EZR: variants seen among roughly 807,000 people sequenced by gnomAD.
The protein encoded by EZR is cytovillin 2.
A neutral mutation model predicts 74.8 loss-of-function variants in EZR; 40 were observed. The ratio of observed to expected loss-of-function variants is 0.53; its 90% CI spans 0.42 to 0.70. The LOEUF (loss-of-function observed/expected upper bound fraction) is 0.70, where lower values mean the gene tolerates loss of function less well. Among genes scored for constraint, EZR ranks in the 30% least tolerant of loss-of-function variants. The pLI is 0.00. For synonymous variants in EZR, 341 were observed against 283.3 expected, an observed-to-expected ratio of 1.20 and a Z score of -2.05; for missense variants, 678 against 755.8, an observed-to-expected ratio of 0.90 and a Z score of 1.21.
chr6:158,791,820 T>TG (rs1159378952), intron 2 of EZR, among the ~76,000 whole-genome samples: 5 of 147,358 alleles, frequency 3.4e-5, no homozygotes, highest in Non-Finnish European at 7.5e-5. Context: ...GCCATTCTCC[T>TG]GCCTTAGCCT....
intron 3 of EZR, among the ~76,000 whole-genome samples, chr6:158,787,562 C>A (rs925107886): frequency 2.0e-5 from 3 of 152,178 alleles, no homozygotes; most frequent in Non-Finnish European, 4.4e-5. Context: ...CCCACAGCCC[C>A]CCAGGGAACA....
At chr6:158,806,557 A>G (rs566251400) in intron 2 of EZR, among the ~76,000 whole-genome samples, 3 of 150,336 alleles carry the variant, frequency 2.0e-5, no homozygotes, top group African/African-American at 7.3e-5. Flanking sequence ...ATATTGCTCT[A>G]AAGCACTAAA....
chr6:158,766,585 C>G lies in EZR; in HGVS notation c.*329G>C, dbSNP rs1790858660. The G allele has an allele frequency of 3.7e-6, 1 of 267,972 alleles. No individual in the cohort carries two copies. The highest frequency in any genetic ancestry group is 7.0e-6 in the Non-Finnish European group (1 of 142,954). The allele number at this position is 267,972 out of a possible 1,614,324, so 16.6% of individuals were successfully genotyped here. On this transcript the variant is annotated 3_prime_UTR_variant, in exon 14 of 14. Transcript: ENST00000367075. The stretch of plus-strand genomic sequence containing the variant: ...GCCACGTTTCCTTTAATGATGCTGA[C>G]TCTTGTATCACACAGGCCAGCATGA...
At chr6:158,818,662 C>T (rs546041450) in intron 1 of EZR, among the ~76,000 whole-genome samples, 15 of 145,842 alleles carry the variant, frequency 1.0e-4, no homozygotes, top group African/African-American at 3.6e-4. Flanking sequence ...CGGAGAGAGG[C>T]GGAGAAGAGG....
chr6:158,815,258 G>A (rs1583592942), intron 2 of EZR, among the ~76,000 whole-genome samples: 1 of 152,240 alleles, frequency 6.6e-6, no homozygotes, highest in East Asian at 1.9e-4. Flanking sequence ...AAAACTAACT[G>A]GATCCTCTCT....
rs1019956463 is a variant in EZR, at chr6:158,776,435, G to A, written c.768C>T (p.Val256=). The A allele has an allele frequency of 6.2e-7, 1 of 1,613,896 alleles. No individual in the cohort carries two copies. Among genetic ancestry groups the A allele is most frequent in the Non-Finnish European group, 8.5e-7 (1 of 1,179,920 alleles). The change falls in exon 8 of 14, where the codon GTC becomes GTT. Residue 256 remains valine (V), a synonymous_variant. Coordinates refer to ENST00000367075, the MANE Select transcript of EZR (RefSeq NM_001111077.2). ...GTGCCTTCTTGTCGATGGGTTTAATGACAAACTTTTTGTCATTGAAAGAGA... is the reference window on the plus strand; with the variant it reads ...GTGCCTTCTTGTCGATGGGTTTAATAACAAACTTTTTGTCATTGAAAGAGA... ...RNISFNDKKF[V]IKPIDKKAPD... is the part of the protein sequence containing the mutation.
intron 2 of EZR, among the ~76,000 whole-genome samples, chr6:158,790,909 G>C (rs1269602451): frequency 6.6e-6 from 1 of 152,132 alleles, no homozygotes; most frequent in Non-Finnish European, 1.5e-5. Context: ...GAAATATACA[G>C]AAGCTGGAGA....
intron 2 of EZR, among the ~76,000 whole-genome samples, chr6:158,813,308 C>T (rs755804442): frequency 2.1e-4 from 32 of 152,368 alleles, no homozygotes; most frequent in Middle Eastern, 6.8e-3. Flanking sequence ...CATCTACTCT[C>T]AGGCCTCATG....
intron 10 of EZR, 61 bp from the exon 11 acceptor site, chr6:158,770,005 C>T (rs2128565072): frequency 1.3e-6 from 2 of 1,582,734 alleles, no homozygotes; most frequent in South Asian, 1.1e-5. Context: ...GGAGCCCTCG[C>T]TTTCCATTCC....
intron 2 of EZR, among the ~76,000 whole-genome samples, chr6:158,813,134 T>TC (rs914877865): frequency 2.4e-4 from 37 of 152,290 alleles, no homozygotes; most frequent in African/African-American, 8.4e-4. Flanking sequence ...TGACCTGTCT[T>TC]CCTCTCTAGC....
chr6:158,795,948 G>A (rs1361725143), intron 2 of EZR, among the ~76,000 whole-genome samples: 1 of 152,220 alleles, frequency 6.6e-6, no homozygotes, highest in East Asian at 1.9e-4. Flanking sequence ...TGCAGGTAGA[G>A]TTTGGACTAG....
intron 2 of EZR, among the ~76,000 whole-genome samples, chr6:158,806,294 C>G (rs1250044391): frequency 1.3e-5 from 2 of 152,212 alleles, no homozygotes; most frequent in East Asian, 1.9e-4. Context: ...AACACTCAGG[C>G]ACTTCATGAC....
intron 2 of EZR, among the ~76,000 whole-genome samples, chr6:158,804,599 G>A (rs1420936863): frequency 6.6e-6 from 1 of 152,146 alleles, no homozygotes; most frequent in East Asian, 1.9e-4. Flanking sequence ...AAAAGTAAGG[G>A]ACAAGGCCAA....
Position 158,766,767 on chromosome 6 carries a change from G to GC in EZR, c.*146dup. ...AACCAGGGCGCCTCCCTGGTTCCCA[G>GC]CCCAGAATGTTTCTGTTGGGTAACT... is the stretch of plus-strand genomic sequence containing the variant. On this transcript the variant is annotated 3_prime_UTR_variant, in exon 14 of 14. Coordinates refer to ENST00000367075, the MANE Select transcript of EZR (RefSeq NM_001111077.2). 1.2e-6 allele frequency: 1 copy of GC among 836,748 alleles called. No homozygotes were observed. The highest frequency in any genetic ancestry group is 1.6e-5 in the South Asian group (1 of 60,738). 51.8% of individuals were successfully genotyped at this position (836,748 alleles called of 1,614,324 possible).
chr6:158,780,220 A>G (rs992822052), intron 7 of EZR, among the ~76,000 whole-genome samples: 4 of 151,932 alleles, frequency 2.6e-5, no homozygotes, highest in Non-Finnish European at 4.4e-5. Context: ...TAAAAAATGT[A>G]AATCCAAAAT....
At position 158,775,033 on chromosome 6, in the gene EZR, CCTTT is replaced by C. The variant is rs1369190557; in HGVS notation, c.795+1371_795+1374del. On this transcript the variant is annotated intron_variant, in intron 8 of 13. Transcript: ENST00000367075. ...CCAAGAGTTTGCAAACAGCAGGAGCCCTTTTTTTTTTTTTTTTTTGAGACGGAGT... is the reference window on the plus strand; with the variant it reads ...CCAAGAGTTTGCAAACAGCAGGAGCCTTTTTTTTTTTTTTTGAGACGGAGT... 3.3e-3 allele frequency among the ~76,000 whole-genome samples: 305 copies of C among 92,944 alleles called. 4 individuals are homozygous for C. The highest frequency in any genetic ancestry group is 0.03 in the South Asian group (92 of 3,052). 61.0% of individuals were successfully genotyped at this position (92,944 alleles called of 152,430 possible). A position where few individuals can be genotyped will look rare whatever the true frequency, so the allele number is the denominator to read the frequency against.
chr6:158,816,217 G>C (rs1777550857), intron 2 of EZR, among the ~76,000 whole-genome samples: 2 of 152,148 alleles, frequency 1.3e-5, no homozygotes, highest in African/African-American at 2.4e-5. Flanking sequence ...GTTTCAATCT[G>C]GGAAGATAAA....
In EZR at chr6:158,771,275, G is replaced by A. The variant is rs762270034; in HGVS notation, c.928C>T (p.Arg310Trp). ...IEVQQMKAQA[R>W]EEKHQKQLER... is the part of the protein sequence containing the mutation. ...AGCTGCTTCTGATGCTTCTCCTCCC[G>A]GGCCTGGGCCTTCATCTGCTGCACC... Residue 310 changes from arginine to tryptophan, a missense_variant, in exon 9 of 14, where the codon CGG becomes TGG. This residue lies in a region of EZR where 119 missense variants were observed against 182.3 expected (regional missense o/e 0.65). Transcript: ENST00000367075. The A allele has an allele frequency of 1.3e-5, 21 of 1,613,988 alleles. No homozygotes were observed. Among genetic ancestry groups the A allele is most frequent in the Middle Eastern group, 1.7e-4 (1 of 6,058 alleles).
intron 7 of EZR, among the ~76,000 whole-genome samples, chr6:158,779,035 T>C (rs186828518): frequency 1.7e-4 from 26 of 152,198 alleles, no homozygotes; most frequent in Admixed American, 2.0e-4. Flanking sequence ...TACTGACCAA[T>C]TGTAAAGGGA....
Sources: allele counts gnomAD v4.1 joint callset (sites outside exome capture counted in the v4.1 genomes callset), GRCh38; gene constraint gnomAD v4.1.1; regional missense constraint gnomAD v4.1.1; transcripts MANE v1.5; gene names NCBI Gene and HGNC (gene_info 2026-07-23, HGNC 2026-07-21).